The following CCR2 variants were observed in gnomAD, a reference collection of about 807,000 sequenced individuals.
CCR2 encodes the protein C-C chemokine receptor type 2.
For synonymous variants in CCR2, 183 were observed against 177.1 expected, an observed-to-expected ratio of 1.03 and a Z score of -0.27; for missense variants, 408 against 440.0, an observed-to-expected ratio of 0.93 and a Z score of 0.65.
In CCR2 at chr3:46,360,007, C is replaced by A. The variant is rs1413932360; in HGVS notation, c.*1397C>A. The A allele has an allele frequency of 4.5e-6, 3 of 671,890 alleles. No individual in the cohort carries two copies. The highest frequency in any genetic ancestry group is 7.3e-6 in the Non-Finnish European group (3 of 409,594). 41.6% of individuals were successfully genotyped at this position (671,890 alleles called of 1,614,324 possible). ...AGCTGGGTTGGAAAACAGTATTTTC[C>A]AAACTACCTTCCAGTTCCTCATTTT... On this transcript the variant is annotated 3_prime_UTR_variant, in exon 2 of 2. Coordinates refer to ENST00000445132, the MANE Select transcript of CCR2 (RefSeq NM_001123396.4).
rs755409798 is a variant in CCR2, at chr3:46,357,840, G to A, written c.313G>A (p.Glu105Lys). The A allele has an allele frequency of 6.2e-7, 1 of 1,614,226 alleles. No homozygotes were observed. The highest frequency in any genetic ancestry group is 8.5e-7 in the Non-Finnish European group (1 of 1,180,038). ...LPLWAHSAAN[E>K]WVFGNAMCKL... ...ATTGTGGGCTCACTCTGCTGCAAATGAGTGGGTCTTTGGGAATGCAATGTG... is the reference window on the plus strand; with the variant it reads ...ATTGTGGGCTCACTCTGCTGCAAATAAGTGGGTCTTTGGGAATGCAATGTG... Residue 105 changes from glutamate (E) to lysine (K), a missense_variant, in exon 2 of 2, where the codon GAG (glutamate) becomes AAG (lysine). Coordinates refer to ENST00000445132, the MANE Select transcript of CCR2 (RefSeq NM_001123396.4).
In CCR2 at chr3:46,357,906, G is replaced by A. The variant is rs756172205; in HGVS notation, c.379G>A (p.Gly127Arg). Reference sequence around the variant, plus strand: ...GCTGTATCACATCGGTTATTTTGGCGGAATCTTCTTCATCATCCTCCTGAC... The same window carrying A: ...GCTGTATCACATCGGTTATTTTGGCAGAATCTTCTTCATCATCCTCCTGAC... The part of the protein sequence containing the change: ...TGLYHIGYFG[G>R]IFFIILLTID... Residue 127 changes from glycine to arginine, a missense_variant, in exon 2 of 2, where the codon GGA becomes AGA. Gly to Arg is a moderately radical substitution (Grantham distance 125). Coordinates refer to ENST00000445132, the MANE Select transcript of CCR2 (RefSeq NM_001123396.4). 18 of 1,613,982 alleles carry A rather than the reference G, an allele frequency of 1.1e-5. No homozygotes were observed. The highest frequency in any genetic ancestry group is 1.5e-5 in the Non-Finnish European group (18 of 1,180,006).
At chr3:46,354,481 A>G (rs983813414) in intron 1 of CCR2, among the ~76,000 whole-genome samples, 1 of 152,208 alleles carries the variant, frequency 6.6e-6, no homozygotes, top group Non-Finnish European at 1.5e-5. Flanking sequence ...CTGAGCACCC[A>G]AGGACGTTAA....
chr3:46,359,465 G>T lies in CCR2; in HGVS notation c.*855G>T, dbSNP rs916225110. The T allele has an allele frequency of 2.8e-6, 3 of 1,077,958 alleles. No individual in the cohort carries two copies. Among genetic ancestry groups the T allele is most frequent in the African/African-American group, 3.2e-5 (2 of 62,324 alleles). The allele number at this position is 1,077,958 out of a possible 1,614,324, so 66.8% of individuals were successfully genotyped here. ...TCCAGGAGGTAGTGATTATGAGAAG[G>T]GGGTGGAGAATGATGAGTTCCTTCA... On this transcript the variant is annotated 3_prime_UTR_variant, in exon 2 of 2. Coordinates refer to ENST00000445132, the MANE Select transcript of CCR2 (RefSeq NM_001123396.4).
chr3:46,355,376 A>T (rs548077584), intron 1 of CCR2, among the ~76,000 whole-genome samples: 55 of 152,184 alleles, frequency 3.6e-4, no homozygotes, highest in Non-Finnish European at 7.2e-4. Flanking sequence ...AGTTTAGGGA[A>T]AATGAAGAGA....
chr3:46,358,169 G>T lies in CCR2; in HGVS notation c.642G>T (p.Pro214=). 3 of 1,614,116 alleles carry T rather than the reference G, an allele frequency of 1.9e-6. No homozygotes were observed. The highest frequency in any genetic ancestry group is 1.1e-5 in the South Asian group (1 of 91,072). Residue 214 remains proline (P), a synonymous_variant, in exon 2 of 2, where the codon CCG becomes CCT. Transcript: ENST00000445132. The part of the protein sequence containing the change: ...IMRNILGLVL[P]LLIMVICYSG... ...GGAACATTTTGGGGCTGGTCCTGCC[G>T]CTGCTCATCATGGTCATCTGCTACT...
chr3:46,357,249 T>C (rs1430232181), intron 1 of CCR2, among the ~76,000 whole-genome samples: 1 of 152,212 alleles, frequency 6.6e-6, no homozygotes, highest in Non-Finnish European at 1.5e-5. Context: ...GAGAATCTGG[T>C]TTGCTGGGGA....
rs934480642 is a variant in CCR2 at position 46,358,218 on chromosome 3, C to A, written c.691C>A (p.Arg231=). 2 of 1,614,062 alleles carry A rather than the reference C, an allele frequency of 1.2e-6. No homozygotes were observed. The highest frequency in any genetic ancestry group is 2.7e-5 in the African/African-American group (2 of 74,940). The change falls in exon 2 of 2, where the codon CGG becomes AGG. Residue 231 remains arginine (R), a synonymous_variant. Transcript: ENST00000445132. ...CYSGILKTLL[R]CRNEKKRHRA... ...CTCGGGAATCCTGAAAACCCTGCTT[C>A]GGTGTCGAAACGAGAAGAAGAGGCA...
chr3:46,358,502 C>T lies in CCR2; in HGVS notation c.975C>T (p.Thr325=), dbSNP rs1481020174. The change falls in exon 2 of 2, where the codon ACC becomes ACT. Residue 325 remains threonine (T), a synonymous_variant. Transcript: ENST00000445132. ...YLSVFFRKHI[T]KRFCKQCPVF... is the part of the protein sequence containing the mutation. ...CGGTGTTCTTCCGAAAGCACATCAC[C>T]AAGCGCTTCTGCAAACAATGTCCAG... 6.2e-6 allele frequency: 10 copies of T among 1,613,380 alleles called. No homozygotes were observed. The highest frequency in any genetic ancestry group is 1.3e-5 in the African/African-American group (1 of 74,892).
Position 46,357,570 on chromosome 3 carries a change from G to A in CCR2, c.43G>A (p.Glu15Lys), listed in dbSNP as rs199666836. 61 of 1,614,010 alleles carry A rather than the reference G, an allele frequency of 3.8e-5. No individual in the cohort carries two copies. In the African/African-American group the frequency reaches 3.9e-4, roughly 10 times the overall value. ...TTCTCGGTTTATCAGAAATACCAAC[G>A]AGAGCGGTGAAGAAGTCACCACCTT... ...SRSRFIRNTN[E>K]SGEEVTTFFD... Residue 15 changes from glutamate (E) to lysine (K), a missense_variant, in exon 2 of 2, where the codon GAG becomes AAG. Physicochemically the swap from Glu to Lys is moderately conservative, Grantham distance 56. Transcript: ENST00000445132.
Position 46,357,891 on chromosome 3 carries a change from A to G in CCR2, c.364A>G (p.Ile122Val). 1 of 1,614,186 alleles carries G rather than the reference A, an allele frequency of 6.2e-7. No homozygotes were observed. The highest frequency in any genetic ancestry group is 2.2e-5 in the East Asian group (1 of 44,888). The change falls in exon 2 of 2, where the codon ATC (isoleucine) becomes GTC (valine). Residue 122 changes from isoleucine (I) to valine (V), a missense_variant. Physicochemically the swap from Ile to Val is conservative, Grantham distance 29. Transcript: ENST00000445132. ...MCKLFTGLYHIGYFGGIFFII... is the reference protein window; with the variant it reads ...MCKLFTGLYHVGYFGGIFFII... ...CAAATTATTCACAGGGCTGTATCAC[A>G]TCGGTTATTTTGGCGGAATCTTCTT...
Position 46,356,288 on chromosome 3 carries a change from T to G in CCR2, c.-51-1189T>G, listed in dbSNP as rs370462164. On this transcript the variant is annotated intron_variant, in intron 1 of 1. Transcript: ENST00000445132. ...AGACAATACAATTCAGGAAGAACTT[T>G]GTAGCAAGGATAAAGAGGCAAAAAA... 5.3e-5 allele frequency among the ~76,000 whole-genome samples: 8 copies of G among 152,156 alleles called. No homozygotes were observed. In the East Asian group the frequency reaches 7.7e-4, roughly 15 times the overall value.
At chr3:46,355,534 A>C (rs542031960) in intron 1 of CCR2, among the ~76,000 whole-genome samples, 1 of 152,180 alleles carries the variant, frequency 6.6e-6, no homozygotes, top group Non-Finnish European at 1.5e-5. Context: ...GGGCTACTGG[A>C]GGTTTTAAGC....
rs567618909 is a variant in CCR2 at position 46,357,462 on chromosome 3, G to C, written c.-51-15G>C. 9 of 1,530,842 alleles carry C rather than the reference G, an allele frequency of 5.9e-6. No individual in the cohort carries two copies. The East Asian group carries it at 1.8e-4, about 31-fold the overall frequency. 94.8% of individuals were successfully genotyped at this position (1,530,842 alleles called of 1,614,324 possible). ...GTTTGTGTTGTGTGGTCATCATTTT[G>C]TTCTTTGTTTACAGAACAGAGAAAG... On this transcript the variant is annotated splice_polypyrimidine_tract_variant and intron_variant, in intron 1 of 1. Transcript: ENST00000445132.
chr3:46,354,473 G>A (rs1701416032), intron 1 of CCR2, among the ~76,000 whole-genome samples: 1 of 152,148 alleles, frequency 6.6e-6, no homozygotes, highest in Admixed American at 6.5e-5. Context: ...CTGCCCCTCT[G>A]AGCACCCAAG....
chr3:46,356,232 T>C (rs925058927), intron 1 of CCR2, among the ~76,000 whole-genome samples: 14 of 152,168 alleles, frequency 9.2e-5, no homozygotes, highest in African/African-American at 3.4e-4. Context: ...TAGAAAACAG[T>C]AGCATAGAAG....
In CCR2 at chr3:46,354,185, G is replaced by A. The variant is rs1293939960; in HGVS notation, c.-52+8G>A. 6.6e-6 allele frequency: 1 copy of A among 152,102 alleles called. No individual in the cohort carries two copies. Among genetic ancestry groups the A allele is most frequent in the Non-Finnish European group, 1.5e-5 (1 of 68,062 alleles). The allele number at this position is 152,102 out of a possible 1,614,324, so 9.4% of individuals were successfully genotyped here. On this transcript the variant is annotated splice_region_variant and intron_variant, in intron 1 of 1. Transcript: ENST00000445132. The stretch of plus-strand genomic sequence containing the variant: ...GAGACAAGCCACAAGCTGGTGAGTT[G>A]TAGGCATTTTTTCCATTACTTTCTG...
In CCR2 at chr3:46,359,859, A is replaced by G. The variant is rs1241496598; in HGVS notation, c.*1249A>G. The G allele has an allele frequency of 1.2e-6, 2 of 1,612,492 alleles. No individual in the cohort carries two copies. The highest frequency in any genetic ancestry group is 2.7e-5 in the African/African-American group (2 of 74,728). ...AGTCTTCAGGACAAAGAAGGAGCCT[A>G]GAGACAGAAATGACAGATCTCTGCT... On this transcript the variant is annotated 3_prime_UTR_variant, in exon 2 of 2. Transcript: ENST00000445132.
Position 46,358,148 on chromosome 3 carries a change from C to T in CCR2, c.621C>T (p.Asn207=), listed in dbSNP as rs746503256. The T allele has an allele frequency of 2.5e-6, 4 of 1,614,022 alleles. No homozygotes were observed. Among genetic ancestry groups the T allele is most frequent in the South Asian group, 2.2e-5 (2 of 91,084 alleles). The change falls in exon 2 of 2, where the codon AAC becomes AAT. Residue 207 remains asparagine, a synonymous_variant. Transcript: ENST00000445132. ...GWNNFHTIMR[N]ILGLVLPLLI... ...ATAATTTCCACACAATAATGAGGAACATTTTGGGGCTGGTCCTGCCGCTGC... is the reference window on the plus strand; with the variant it reads ...ATAATTTCCACACAATAATGAGGAATATTTTGGGGCTGGTCCTGCCGCTGC...
Sources: gnomAD v4.1 joint callset for allele counts (sites outside exome capture counted in the v4.1 genomes callset) on GRCh38, gnomAD v4.1.1 for gene constraint, MANE v1.5 for transcripts, NCBI Gene and HGNC (gene_info 2026-07-23, HGNC 2026-07-21) for gene names.